The following ADAMTS2 variants were observed in gnomAD, a reference collection of about 807,000 sequenced individuals.
ADAMTS2 encodes the protein ADAM metallopeptidase with thrombospondin type 1 motif 2.
A neutral mutation model predicts 123.0 loss-of-function variants in ADAMTS2; 50 were observed. That is an observed-to-expected ratio of 0.41 (90% CI 0.32 to 0.51). The LOEUF (loss-of-function observed/expected upper bound fraction) is 0.51, where lower values mean the gene tolerates loss of function less well. Among genes scored for constraint, ADAMTS2 ranks in the 20% least tolerant of loss-of-function variants. The pLI, the probability that ADAMTS2 is intolerant of heterozygous loss-of-function variation, is 0.35. For missense variants in ADAMTS2, 1,494 were observed against 1,705.2 expected (o/e 0.88, Z 2.18); for synonymous variants, 678 against 695.4 (o/e 0.98, Z 0.39).
chr5:179,129,792 C>T lies in ADAMTS2; in HGVS notation c.2457+140G>A. 4 of 1,147,458 alleles carry T rather than the reference C, an allele frequency of 3.5e-6. No individual in the cohort carries two copies. The highest frequency in any genetic ancestry group is 1.5e-5 in the African/African-American group (1 of 65,536). 71.1% of individuals were successfully genotyped at this position (1,147,458 alleles called of 1,614,324 possible). On this transcript the variant is annotated intron_variant, in intron 16 of 21. Transcript: ENST00000251582. The surrounding 1 kb of genome is among the most constrained non-coding windows in gnomAD (Gnocchi z 4.1). ...TTCCTGGCTCTGACCAAGTCGGAGC[C>T]CCTTGGTGCCAAAGGCAGGCCAAAG... is the stretch of plus-strand genomic sequence containing the variant.
Position 179,129,126 on chromosome 5 carries a change from C to T in ADAMTS2, c.2457+806G>A, listed in dbSNP as rs1039815611. 1.3e-5 allele frequency among the ~76,000 whole-genome samples: 2 copies of T among 152,176 alleles called. No homozygotes were observed. Among genetic ancestry groups the T allele is most frequent in the Admixed American group, 6.5e-5 (1 of 15,284 alleles). On this transcript the variant is annotated intron_variant, in intron 16 of 21. Coordinates refer to ENST00000251582, the MANE Select transcript of ADAMTS2 (RefSeq NM_014244.5). The surrounding 1 kb of genome is among the most constrained non-coding windows in gnomAD (Gnocchi z 4.1). ...CAGGTGAATTTGCAAATACAGAAAC[C>T]GTGAGTGCCGAGGACCAGCTGCTCA...
chr5:179,173,895 C>A (rs1188041130), intron 5 of ADAMTS2, among the ~76,000 whole-genome samples: 4 of 151,936 alleles, frequency 2.6e-5, no homozygotes, highest in Non-Finnish European at 4.4e-5. Context: ...TGCCTGTAAT[C>A]CCAGCTACTT....
rs1246397630 is a variant in ADAMTS2, at chr5:179,132,964, G to A, written c.2086-64C>T. 6.3e-7 allele frequency: 1 copy of A among 1,580,812 alleles called. No individual in the cohort carries two copies. The highest frequency in any genetic ancestry group is 8.6e-7 in the Non-Finnish European group (1 of 1,164,500). ...GCTAGTAGAGTCAGGGTCATACTAT[G>A]TTGCCCCCAGTCTCGAACACCTGGC... On this transcript the variant is annotated intron_variant, in intron 13 of 21. Transcript: ENST00000251582. This position sits in a 1 kb window ranked among gnomAD's most constrained non-coding sequence, Gnocchi z 6.1.
At chr5:179,331,973 T>G (rs1033284034) in intron 2 of ADAMTS2, among the ~76,000 whole-genome samples, 3 of 152,202 alleles carry the variant, frequency 2.0e-5, no homozygotes, top group Non-Finnish European at 4.4e-5. Flanking sequence ...CAGCCCCACT[T>G]GCGGTGGCAA....
chr5:179,203,517 TG>T (rs1298028312), intron 4 of ADAMTS2, among the ~76,000 whole-genome samples: 1 of 152,202 alleles, frequency 6.6e-6, no homozygotes, highest in Non-Finnish European at 1.5e-5. Flanking sequence ...GAGGGCCACT[TG>T]GGGTTGTGGT....
At chr5:179,326,811 C>G (rs983136749) in intron 2 of ADAMTS2, among the ~76,000 whole-genome samples, 2 of 152,064 alleles carry the variant, frequency 1.3e-5, no homozygotes, top group African/African-American at 4.8e-5. Flanking sequence ...GCGTCTGACT[C>G]CAGCGCACGG....
intron 5 of ADAMTS2, among the ~76,000 whole-genome samples, chr5:179,179,909 G>C (rs897390926): frequency 8.5e-5 from 13 of 152,164 alleles, no homozygotes; most frequent in Non-Finnish European, 1.6e-4. Flanking sequence ...ATAATTATCT[G>C]ATGTATTTGA....
chr5:179,152,317 A>C, intron 9 of ADAMTS2, 62 bp from the exon 10 acceptor site: 1 of 1,514,924 alleles, frequency 6.6e-7, no homozygotes, highest in Non-Finnish European at 9.1e-7. Flanking sequence ...CAGGGATGCC[A>C]CCCACCCCCG....
chr5:179,173,068 C>T (rs893099897), intron 5 of ADAMTS2, among the ~76,000 whole-genome samples: 3 of 150,594 alleles, frequency 2.0e-5, no homozygotes, highest in South Asian at 2.1e-4. Context: ...AAAAATTAGT[C>T]GAGTGTGGTG....
chr5:179,273,111 C>T (rs1262985616), intron 2 of ADAMTS2, 47 bp from the exon 3 acceptor site: 2 of 1,612,658 alleles, frequency 1.2e-6, no homozygotes, highest in South Asian at 1.1e-5. Flanking sequence ...CACAAAAGAC[C>T]AAGGAAGGGG....
intron 3 of ADAMTS2, among the ~76,000 whole-genome samples, chr5:179,211,831 C>T (rs1243236372): frequency 2.0e-5 from 3 of 152,180 alleles, no homozygotes; most frequent in Non-Finnish European, 4.4e-5. Flanking sequence ...GGTGTGTGCA[C>T]AGCCCTTCAC....
chr5:179,326,167 G>A (rs1757311882), intron 2 of ADAMTS2, among the ~76,000 whole-genome samples: 1 of 151,940 alleles, frequency 6.6e-6, no homozygotes, highest in Non-Finnish European at 1.5e-5. Context: ...TTTCAGGTGG[G>A]AAGGATTTGG....
In ADAMTS2 at chr5:179,245,834, A is replaced by G. The variant is rs1049414829; in HGVS notation, c.688+27077T>C. ...GATGGGGGTGGAAGAATAGAGCTAT[A>G]TAAGAGTAATGTTTCTATAGCTCAC... On this transcript the variant is annotated intron_variant, in intron 3 of 21. Coordinates refer to ENST00000251582, the MANE Select transcript of ADAMTS2 (RefSeq NM_014244.5). Among the ~76,000 whole-genome samples the G allele has an allele frequency of 5.3e-5, 8 of 150,296 alleles. No individual in the cohort carries two copies. The South Asian group carries it at 1.7e-3, about 32-fold the overall frequency.
intron 10 of ADAMTS2, 109 bp from the exon 11 acceptor site, chr5:179,140,144 G>A: frequency 6.5e-7 from 1 of 1,530,576 alleles, no homozygotes. Context: ...CCCACTCTGG[G>A]GCACAGGGGG....
chr5:179,119,392 C>T (rs955778677), intron 21 of ADAMTS2, among the ~76,000 whole-genome samples: 10 of 152,226 alleles, frequency 6.6e-5, no homozygotes, highest in East Asian at 3.9e-4. Flanking sequence ...TGGCCTTCCA[C>T]GCTTTCTTCC....
intron 5 of ADAMTS2, among the ~76,000 whole-genome samples, chr5:179,160,469 C>T (rs1410491988): frequency 2.0e-5 from 3 of 152,150 alleles, no homozygotes; most frequent in Admixed American, 6.5e-5. Flanking sequence ...ACAAAACAAA[C>T]AACAAAGGGT....
rs1416535691 is a variant in ADAMTS2, at chr5:179,153,553, G to A, written c.1453C>T (p.His485Tyr). 6.2e-7 allele frequency: 1 copy of A among 1,610,504 alleles called. No homozygotes were observed. Among genetic ancestry groups the A allele is most frequent in the Non-Finnish European group, 8.5e-7 (1 of 1,179,822 alleles). The change falls in exon 9 of 22, where the codon CAC becomes TAC. Residue 485 changes from histidine to tyrosine, a missense_variant. Around this residue, in one of 6 missense-constraint regions of ADAMTS2, gnomAD observed 953 missense variants for 1,124.7 expected, o/e 0.85. Transcript: ENST00000251582. ...WPALPQLPGLHYSMNEQCRFD... is the reference protein window; with the variant it reads ...WPALPQLPGLYYSMNEQCRFD... ...CGGCATTGCTCGTTCATGGAGTAGT[G>A]CAGTCCCGGGAGCTGGGGCAGCGCC...
intron 4 of ADAMTS2, among the ~76,000 whole-genome samples, chr5:179,198,665 C>A (rs1188562429): frequency 6.6e-6 from 1 of 152,142 alleles, no homozygotes; most frequent in African/African-American, 2.4e-5. Context: ...GAAACCCCGT[C>A]TCTACTAAAA....
chr5:179,218,034 G>GT (rs1319922879), intron 3 of ADAMTS2, among the ~76,000 whole-genome samples: 4 of 152,208 alleles, frequency 2.6e-5, no homozygotes, highest in African/African-American at 4.8e-5. Flanking sequence ...TCCCCAAAAC[G>GT]TAAGTCCTAA....
Sources: gnomAD v4.1 joint callset for allele counts (sites outside exome capture counted in the v4.1 genomes callset) on GRCh38, gnomAD v4.1.1 for gene constraint, gnomAD v4.1.1 regional missense constraint, Gnocchi (gnomAD v3.1) non-coding constraint, MANE v1.5 for transcripts, NCBI Gene and HGNC (gene_info 2026-07-23, HGNC 2026-07-21) for gene names.